NCALD: variants seen among roughly 807,000 people sequenced by gnomAD.
NCALD encodes the protein neurocalcin delta.
A neutral mutation model predicts 18.6 loss-of-function variants in NCALD; 10 were observed. That is an observed-to-expected ratio of 0.54 (90% CI 0.33 to 0.91). NCALD has a LOEUF of 0.91. Ranked by LOEUF, NCALD falls within the 40% of genes least tolerant of loss-of-function variation. The pLI, the probability that NCALD is intolerant of heterozygous loss-of-function variation, is 0.03. For missense variants in NCALD, 184 were observed against 247.6 expected, an observed-to-expected ratio of 0.74 and a Z score of 1.72; for synonymous variants, 88 against 87.4, an observed-to-expected ratio of 1.01 and a Z score of -0.04.
At chr8:101,945,743 GT>G (rs1819143858) in intron 2 of NCALD, among the ~76,000 whole-genome samples, 1 of 152,184 alleles carries the variant, frequency 6.6e-6, no homozygotes, top group Non-Finnish European at 1.5e-5. Context: ...GCCAACGTTA[GT>G]CCAGACATTG....
chr8:101,887,624 T>G (rs1816721985), intron 3 of NCALD, among the ~76,000 whole-genome samples: 1 of 150,092 alleles, frequency 6.7e-6, no homozygotes, highest in Non-Finnish European at 1.5e-5. Context: ...TATATACATA[T>G]ACATATATAT....
chr8:102,042,104 T>C (rs1274560819), intron 1 of NCALD, among the ~76,000 whole-genome samples: 1 of 151,620 alleles, frequency 6.6e-6, no homozygotes, highest in Non-Finnish European at 1.5e-5. Context: ...CCTCAAAGAG[T>C]TTGGTGTACT....
intron 1 of NCALD, among the ~76,000 whole-genome samples, chr8:101,748,807 A>G (rs1337725934): frequency 6.6e-6 from 1 of 152,212 alleles, no homozygotes; most frequent in East Asian, 1.9e-4. Context: ...CTAAACCAGT[A>G]CATTATGCAG....
At chr8:101,943,329 A>G (rs763595641) in intron 2 of NCALD, among the ~76,000 whole-genome samples, 1 of 152,188 alleles carries the variant, frequency 6.6e-6, no homozygotes, top group Non-Finnish European at 1.5e-5. Context: ...CTTTTAGCAT[A>G]ATCTAAAATG....
chr8:102,047,475 T>C (rs1397658839), intron 1 of NCALD, among the ~76,000 whole-genome samples: 3 of 152,210 alleles, frequency 2.0e-5, no homozygotes, highest in South Asian at 4.1e-4. Flanking sequence ...TAGCCATGTG[T>C]GGTATTGAGC....
At chr8:101,891,929 C>T (rs1204081679) in intron 3 of NCALD, among the ~76,000 whole-genome samples, 1 of 152,190 alleles carries the variant, frequency 6.6e-6, no homozygotes, top group Non-Finnish European at 1.5e-5. Context: ...GGCAGCGAGG[C>T]TGGGGGAGGG....
chr8:101,809,054 G>T (rs768383184), intron 4 of NCALD, among the ~76,000 whole-genome samples: 1 of 152,142 alleles, frequency 6.6e-6, no homozygotes, highest in African/African-American at 2.4e-5. Flanking sequence ...ATAAGCTGTG[G>T]AATGTTATAA....
chr8:102,053,018 T>G (rs1297342398), intron 1 of NCALD, among the ~76,000 whole-genome samples: 1 of 152,242 alleles, frequency 6.6e-6, no homozygotes, highest in Non-Finnish European at 1.5e-5. Context: ...GAGTTTGCCC[T>G]AAAAGAAATC....
In NCALD at chr8:101,802,578, T is replaced by TAAA. The variant is rs201465859; in HGVS notation, c.-19-82933_-19-82931dup. Among the ~76,000 whole-genome samples the TAAA allele has an allele frequency of 5.9e-3, 846 of 144,136 alleles. 11 individuals are homozygous for TAAA. The highest frequency in any genetic ancestry group is 0.019 in the African/African-American group (740 of 39,434). 94.6% of individuals were successfully genotyped at this position (144,136 alleles called of 152,430 possible). On this transcript the variant is annotated intron_variant, in intron 4 of 6. Coordinates refer to the NCALD transcript ENST00000311028. Reference sequence around the variant, plus strand: ...CTACTACAGTGAACACACGAATGATTAAAAAAAAAAAGCAAAACAGCTTTA... The same window carrying TAAA: ...CTACTACAGTGAACACACGAATGATTAAAAAAAAAAAAAAGCAAAACAGCTTTA...
chr8:102,040,100 G>A (rs1460821834), intron 1 of NCALD, among the ~76,000 whole-genome samples: 2 of 152,068 alleles, frequency 1.3e-5, no homozygotes, highest in Non-Finnish European at 2.9e-5. Context: ...ACTTCCTAGG[G>A]GTTTGTGAGC....
intron 2 of NCALD, among the ~76,000 whole-genome samples, chr8:101,709,271 G>T (rs1230978933): frequency 6.6e-6 from 1 of 152,208 alleles, no homozygotes; most frequent in Non-Finnish European, 1.5e-5. Context: ...GATATTTCCT[G>T]TTACAGCTGA....
chr8:101,781,207 G>A (rs1013593585), intron 1 of NCALD, among the ~76,000 whole-genome samples: 21 of 152,080 alleles, frequency 1.4e-4, no homozygotes, highest in Non-Finnish European at 1.9e-4. Context: ...CCCTGAGAGA[G>A]AGAATGGTTT....
chr8:101,930,942 C>A (rs1368855664), intron 2 of NCALD, among the ~76,000 whole-genome samples: 1 of 152,102 alleles, frequency 6.6e-6, no homozygotes, highest in African/African-American at 2.4e-5. Flanking sequence ...GTTTCTATGG[C>A]AAGGCTTATA....
intron 1 of NCALD, among the ~76,000 whole-genome samples, chr8:102,118,059 GT>G (rs747757962): frequency 2.0e-5 from 3 of 152,342 alleles, no homozygotes; most frequent in Admixed American, 1.3e-4. Context: ...ACTACTTTGT[GT>G]TGGCTACTAT....
intron 1 of NCALD, among the ~76,000 whole-genome samples, chr8:101,723,924 T>C (rs779124664): frequency 1.3e-5 from 2 of 152,194 alleles, no homozygotes; most frequent in Admixed American, 6.5e-5. Flanking sequence ...ACAACAGAAA[T>C]AGAGGTAGAA....
intron 4 of NCALD, among the ~76,000 whole-genome samples, chr8:101,885,244 A>T (rs1304020270): frequency 3.3e-5 from 5 of 152,210 alleles, no homozygotes; most frequent in Non-Finnish European, 7.3e-5. Flanking sequence ...ATAAACCTAG[A>T]GTCTATTCAT....
intron 2 of NCALD, among the ~76,000 whole-genome samples, chr8:101,944,716 C>T (rs1435381775): frequency 1.1e-4 from 17 of 152,152 alleles, no homozygotes; most frequent in African/African-American, 3.1e-4. Context: ...CCTGACAATG[C>T]GCTTCCAATG....
chr8:101,890,418 T>A (rs77831952), intron 3 of NCALD, among the ~76,000 whole-genome samples: 31 of 152,320 alleles, frequency 2.0e-4, no homozygotes, highest in African/African-American at 7.5e-4. Context: ...TATTCTCTAG[T>A]GCTATGGTTT....
intron 2 of NCALD, chr8:101,915,960 G>A (rs1231555724): frequency 6.6e-6 from 1 of 152,130 alleles, no homozygotes; most frequent in Admixed American, 6.5e-5. Context: ...AGAACACTGG[G>A]AGACTGACAT....
Sources: allele counts gnomAD v4.1 joint callset (sites outside exome capture counted in the v4.1 genomes callset), GRCh38; gene constraint gnomAD v4.1.1; transcripts MANE v1.5; gene names NCBI Gene and HGNC (gene_info 2026-07-23, HGNC 2026-07-21).